The following LRP1B variants were observed in gnomAD, a reference collection of about 807,000 sequenced individuals.
LRP1B encodes the protein low-density lipoprotein receptor-related protein 1B.
Under a neutral mutation model 556.6 loss-of-function variants are expected in LRP1B, and 217 were observed. That is an observed-to-expected ratio of 0.39 (90% CI 0.35 to 0.44). The LOEUF is 0.44. Among genes scored for constraint, LRP1B ranks in the 20% least tolerant of loss-of-function variants. The pLI is 1.00. For synonymous variants in LRP1B, 2,047 were observed against 1,865.8 expected, an observed-to-expected ratio of 1.10 and a Z score of -2.50; for missense variants, 5,053 against 5,620.8, an observed-to-expected ratio of 0.90 and a Z score of 3.23.
At chr2:142,087,010 G>T (rs1256349661) in intron 1 of LRP1B, among the ~76,000 whole-genome samples, 1 of 152,000 alleles carries the variant, frequency 6.6e-6, no homozygotes, top group East Asian at 1.9e-4. Flanking sequence ...CACATTGCAG[G>T]AGAGTGTTGA....
chr2:140,985,344 G>C, intron 17 of LRP1B, among the ~76,000 whole-genome samples: 1 of 150,398 alleles, frequency 6.6e-6, no homozygotes. Flanking sequence ...AAATACATTA[G>C]GGTTTTTTAA....
intron 7 of LRP1B, among the ~76,000 whole-genome samples, chr2:141,108,779 C>G (rs763550687): frequency 7.2e-4 from 109 of 152,106 alleles, no homozygotes; most frequent in Non-Finnish European, 1.3e-3. Context: ...TGTTTTGTAA[C>G]CCTAAAATTC....
At chr2:141,569,426 T>A (rs72855404) in intron 2 of LRP1B, among the ~76,000 whole-genome samples, 12,223 of 151,004 alleles carry the variant, frequency 0.081, 1,110 homozygotes, top group South Asian at 0.14. Context: ...AAACAGAAGT[T>A]ATTTCATGAA....
intron 2 of LRP1B, among the ~76,000 whole-genome samples, chr2:141,809,295 C>T (rs1374457118): frequency 1.3e-5 from 2 of 152,046 alleles, no homozygotes; most frequent in African/African-American, 2.4e-5. Context: ...AAACTGTCTG[C>T]AAGACTTGTA....
chr2:140,308,883 A>G (rs1203912219), intron 83 of LRP1B, among the ~76,000 whole-genome samples: 2 of 151,804 alleles, frequency 1.3e-5, no homozygotes, highest in African/African-American at 4.8e-5. Flanking sequence ...GTCCCTTTAT[A>G]TAGCACAGAC....
chr2:142,051,971 T>C (rs554039227), intron 1 of LRP1B, among the ~76,000 whole-genome samples: 1 of 152,148 alleles, frequency 6.6e-6, no homozygotes, highest in Admixed American at 6.6e-5. Context: ...GAACCACCAA[T>C]TGTGATAAAC....
At chr2:141,813,440 A>G (rs2105714093) in intron 1 of LRP1B, among the ~76,000 whole-genome samples, 1 of 152,262 alleles carries the variant, frequency 6.6e-6, no homozygotes, top group East Asian at 1.9e-4. Flanking sequence ...TCAAGGGCTA[A>G]GGATTTGAGG....
chr2:140,526,098 T>C, intron 48 of LRP1B, 105 bp from the exon 49 acceptor site: 1 of 1,367,034 alleles, frequency 7.3e-7, no homozygotes, highest in East Asian at 2.4e-5. Flanking sequence ...TTTGAGGAAA[T>C]AGATACGTAA....
chr2:141,854,697 A>C (rs2105780191), intron 1 of LRP1B, among the ~76,000 whole-genome samples: 1 of 152,206 alleles, frequency 6.6e-6, no homozygotes, highest in South Asian at 2.1e-4. Context: ...CAATGGCATA[A>C]AGGGGAAAAA....
At chr2:142,028,104 T>A (rs958985047) in intron 1 of LRP1B, among the ~76,000 whole-genome samples, 4 of 152,026 alleles carry the variant, frequency 2.6e-5, no homozygotes, top group Non-Finnish European at 5.9e-5. Flanking sequence ...TCTCTAAGGA[T>A]CAGTTCTAGT....
chr2:141,845,306 T>A (rs1445051999), intron 1 of LRP1B, among the ~76,000 whole-genome samples: 1 of 151,892 alleles, frequency 6.6e-6, no homozygotes, highest in Admixed American at 6.6e-5. Flanking sequence ...GCAAATGGGA[T>A]CAGGTTTAAA....
At chr2:140,479,222 T>A (rs1688114947) in intron 59 of LRP1B, among the ~76,000 whole-genome samples, 1 of 152,120 alleles carries the variant, frequency 6.6e-6, no homozygotes, top group Non-Finnish European at 1.5e-5. Flanking sequence ...GCTATACTTT[T>A]TTTTTCTTCA....
chr2:141,705,764 G>A (rs370295309), intron 2 of LRP1B, among the ~76,000 whole-genome samples: 71 of 151,996 alleles, frequency 4.7e-4, no homozygotes, highest in African/African-American at 1.6e-3. Flanking sequence ...TGGTAGGTAG[G>A]GGAGCAAGTA....
chr2:141,980,580 G>T (rs980205753), intron 1 of LRP1B, among the ~76,000 whole-genome samples: 3 of 152,060 alleles, frequency 2.0e-5, no homozygotes, highest in African/African-American at 7.2e-5. Flanking sequence ...TAATTAGAAA[G>T]CAAATGGGAA....
intron 2 of LRP1B, among the ~76,000 whole-genome samples, chr2:141,786,903 T>C (rs1230379278): frequency 1.3e-5 from 2 of 151,992 alleles, no homozygotes; most frequent in Admixed American, 6.6e-5. Context: ...GATGACTATA[T>C]AGTTTTTCTC....
At chr2:140,944,850 C>A (rs1228999577) in intron 20 of LRP1B, among the ~76,000 whole-genome samples, 1 of 152,122 alleles carries the variant, frequency 6.6e-6, no homozygotes, top group Non-Finnish European at 1.5e-5. Flanking sequence ...AGGATTGGAA[C>A]AGGATGAGGA....
chr2:141,554,344 T>C (rs577363019), intron 2 of LRP1B, among the ~76,000 whole-genome samples: 10 of 148,560 alleles, frequency 6.7e-5, no homozygotes, highest in Non-Finnish European at 1.2e-4. Flanking sequence ...TATATGTATC[T>C]ATAGGAATAG....
At chr2:142,005,105 A>G (rs985422500) in intron 1 of LRP1B, among the ~76,000 whole-genome samples, 2 of 148,426 alleles carry the variant, frequency 1.3e-5, no homozygotes, top group African/African-American at 4.9e-5. Flanking sequence ...TATATTTATT[A>G]GTTATTTACT....
chr2:141,015,706 G>A lies in LRP1B; in HGVS notation c.2180C>T (p.Thr727Ile). 1 of 1,610,962 alleles carries A rather than the reference G, an allele frequency of 6.2e-7. No homozygotes were observed. Reference protein sequence around the residue: ...DHIEKVFLNGTHRKIVYSGRE... With the variant: ...DHIEKVFLNGIHRKIVYSGRE... ...GCATTTGTCTTTTACCTTCCTGTGA[G>A]TCCCATTCAAAAATACTTTTTCAAT... Residue 727 changes from threonine (T) to isoleucine (I), a missense_variant, in exon 13 of 91, where the codon ACT (threonine) becomes ATT (isoleucine). Transcript: ENST00000389484.
Sources: gnomAD v4.1 joint callset for allele counts (sites outside exome capture counted in the v4.1 genomes callset) on GRCh38, gnomAD v4.1.1 for gene constraint, MANE v1.5 for transcripts, NCBI Gene and HGNC (gene_info 2026-07-23, HGNC 2026-07-21) for gene names.